PRR12: variants seen among roughly 807,000 people sequenced by gnomAD.
PRR12 encodes proline rich 12.
PRR12 carries 12 observed loss-of-function variants against 138.0 expected under a neutral mutation model. The observed-to-expected ratio is 0.09, with a 90% CI of 0.06 to 0.14. The LOEUF is 0.14. Among genes scored for constraint, PRR12 ranks in the 10% least tolerant of loss-of-function variants. PRR12 has a pLI of 1.00. For missense variants in PRR12, 2,692 were observed against 2,861.3 expected, an observed-to-expected ratio of 0.94 and a Z score of 1.35; for synonymous variants, 1,567 against 1,291.7, an observed-to-expected ratio of 1.21 and a Z score of -4.57.
chr19:49,602,169 A>G (rs971659474), intron 6 of PRR12, among the ~76,000 whole-genome samples: 1 of 152,128 alleles, frequency 6.6e-6, no homozygotes, highest in African/African-American at 2.4e-5. Flanking sequence ...GTATGTGTCT[A>G]TATGTGCGTT....
chr19:49,611,375 G>T (rs931592963), intron 6 of PRR12, among the ~76,000 whole-genome samples: 2 of 151,640 alleles, frequency 1.3e-5, no homozygotes, highest in Non-Finnish European at 2.9e-5. Flanking sequence ...AGTGGCTCAC[G>T]CTTGTAATCT....
chr19:49,597,665 T>G lies in PRR12; in HGVS notation c.3330T>G (p.Val1110=). ...EFEADEDKAD[V]PADIRLNPRR... Reference sequence around the variant, plus strand: ...AGGCGGACGAGGACAAGGCCGATGTTCCCGCCGACATCCGCCTCAACCCCC... The same window carrying G: ...AGGCGGACGAGGACAAGGCCGATGTGCCCGCCGACATCCGCCTCAACCCCC... The change falls in exon 4 of 14, where the codon GTT becomes GTG. Residue 1110 remains valine, a synonymous_variant. Transcript: ENST00000418929. The surrounding 1 kb of genome is among the most constrained non-coding windows in gnomAD (Gnocchi z 6.3). 1 of 1,603,128 alleles carries G rather than the reference T, an allele frequency of 6.2e-7. No individual in the cohort carries two copies. The highest frequency in any genetic ancestry group is 8.5e-7 in the Non-Finnish European group (1 of 1,176,066).
At chr19:49,621,397 G>C in intron 10 of PRR12, 128 bp from the exon 11 acceptor site, 1 of 721,702 alleles carries the variant, frequency 1.4e-6, no homozygotes, top group Non-Finnish European at 2.4e-6. Flanking sequence ...GAAGGAGGAG[G>C]GGGCTGGGGC....
rs1292399973 is a variant in PRR12, at chr19:49,597,761, C to A, written c.3426C>A (p.Phe1142Leu). ...PALSPLGDID[F>L]CPPNPGPDGP... ...TCTCGCCACTGGGGGACATCGACTT[C>A]TGCCCACCCAACCCAGGACCCGATG... is the stretch of plus-strand genomic sequence containing the variant. Residue 1142 changes from phenylalanine to leucine, a missense_variant, in exon 4 of 14, where the codon TTC becomes TTA. Phe to Leu is a conservative substitution (Grantham distance 22, BLOSUM62 0). Transcript: ENST00000418929. This position sits in a 1 kb window ranked among gnomAD's most constrained non-coding sequence, Gnocchi z 6.3. The A allele has an allele frequency of 2.5e-6, 4 of 1,605,506 alleles. No homozygotes were observed. The highest frequency in any genetic ancestry group is 3.4e-6 in the Non-Finnish European group (4 of 1,176,774).
chr19:49,609,983 T>C (rs1180899479), intron 6 of PRR12, among the ~76,000 whole-genome samples: 1 of 151,850 alleles, frequency 6.6e-6, no homozygotes, highest in Non-Finnish European at 1.5e-5. Flanking sequence ...TTCTTTCTTT[T>C]TTTTTTTTGA....
chr19:49,591,823 C>G (rs1339464074), intron 1 of PRR12, 83 bp downstream of exon 1: 1 of 810,084 alleles, frequency 1.2e-6, no homozygotes, highest in Non-Finnish European at 1.7e-6. Flanking sequence ...CGGGCCCGCC[C>G]GGCGACGCGT....
At position 49,625,901 on chromosome 19, in the gene PRR12, C is replaced by G. The variant is rs952393735; in HGVS notation, c.*294C>G. The stretch of plus-strand genomic sequence containing the variant: ...TCCCTCTCCCCTTGCCCCGACCCCC[C>G]CTCCACAGCCACAGCCCCCGCCCCC... On this transcript the variant is annotated 3_prime_UTR_variant, in exon 14 of 14. Transcript: ENST00000418929. This position sits in a 1 kb window ranked among gnomAD's most constrained non-coding sequence, Gnocchi z 5.5. 5.1e-5 allele frequency: 11 copies of G among 214,534 alleles called. No individual in the cohort carries two copies. Among genetic ancestry groups the G allele is most frequent in the East Asian group, 2.6e-4 (3 of 11,726 alleles). 13.3% of individuals were successfully genotyped at this position (214,534 alleles called of 1,614,324 possible).
chr19:49,625,485 G>A lies in PRR12; in HGVS notation c.5989G>A (p.Glu1997Lys), dbSNP rs1200733737. 3 of 1,608,534 alleles carry A rather than the reference G, an allele frequency of 1.9e-6. No individual in the cohort carries two copies. The highest frequency in any genetic ancestry group is 2.5e-6 in the Non-Finnish European group (3 of 1,178,120). The stretch of plus-strand genomic sequence containing the variant: ...GACCCTGGCCATCGAGGGCGGCGCC[G>A]AGGACCTGGGCCAGGAGGAGGTGGT... Reference protein sequence around the residue: ...DQTLAIEGGAEDLGQEEVVQQ... With the variant: ...DQTLAIEGGAKDLGQEEVVQQ... Residue 1997 changes from glutamate to lysine, a missense_variant, in exon 14 of 14, where the codon GAG becomes AAG. Coordinates refer to ENST00000418929, the MANE Select transcript of PRR12 (RefSeq NM_020719.3). This position sits in a 1 kb window ranked among gnomAD's most constrained non-coding sequence, Gnocchi z 5.5.
chr19:49,607,361 G>GCACACACACACA (rs72175242), intron 6 of PRR12, among the ~76,000 whole-genome samples: 1 of 147,760 alleles, frequency 6.8e-6, no homozygotes, highest in African/African-American at 2.5e-5. Flanking sequence ...ATGTACGTGT[G>GCACACACACACA]CACACACACA....
chr19:49,597,813 A>G lies in PRR12; in HGVS notation c.3478A>G (p.Thr1160Ala). The change falls in exon 4 of 14, where the codon ACG becomes GCG. Residue 1160 changes from threonine to alanine, a missense_variant. Coordinates refer to ENST00000418929, the MANE Select transcript of PRR12 (RefSeq NM_020719.3). This position sits in a 1 kb window ranked among gnomAD's most constrained non-coding sequence, Gnocchi z 6.3. ...CCCCCGGCGCCGTGGCCGCAAGCCC[A>G]CGAAGGCGAAACGTGATGGGCCACC... ...DGPRRRGRKP[T>A]KAKRDGPPRP... The G allele has an allele frequency of 1.9e-6, 3 of 1,550,288 alleles. No individual in the cohort carries two copies. The highest frequency in any genetic ancestry group is 2.6e-6 in the Non-Finnish European group (3 of 1,149,464).
Position 49,597,158 on chromosome 19 carries a change from C to A in PRR12, c.2823C>A (p.Asp941Glu). The A allele has an allele frequency of 6.4e-7, 1 of 1,552,116 alleles. No individual in the cohort carries two copies. The highest frequency in any genetic ancestry group is 8.7e-7 in the Non-Finnish European group (1 of 1,147,908). ...SICFPDSLLQDEERSFFPTME... is the reference protein window; with the variant it reads ...SICFPDSLLQEEERSFFPTME... ...GCTTCCCTGACTCCTTGCTCCAAGA[C>A]GAGGAGCGCAGCTTCTTCCCCACCA... Residue 941 changes from aspartate to glutamate, a missense_variant, in exon 4 of 14, where the codon GAC becomes GAA. By Grantham distance (45) the Asp-to-Glu change is conservative (BLOSUM62 2). Coordinates refer to ENST00000418929, the MANE Select transcript of PRR12 (RefSeq NM_020719.3). This position sits in a 1 kb window ranked among gnomAD's most constrained non-coding sequence, Gnocchi z 6.3.
chr19:49,618,254 C>T (rs1008057028), intron 9 of PRR12, among the ~76,000 whole-genome samples: 3 of 152,070 alleles, frequency 2.0e-5, no homozygotes, highest in Non-Finnish European at 4.4e-5. Flanking sequence ...CCTGGCCACC[C>T]CACAGACCTT....
chr19:49,624,978 G>A lies in PRR12; in HGVS notation c.5856G>A (p.Val1952=), dbSNP rs575896756. The change falls in exon 12 of 14, where the codon GTG becomes GTA. Residue 1952 remains valine, a synonymous_variant. Coordinates refer to ENST00000418929, the MANE Select transcript of PRR12 (RefSeq NM_020719.3). ...RKTLSKLKRS[V]VRAQEFKVEL... The stretch of plus-strand genomic sequence containing the variant: ...CGCTCAGCAAGCTCAAGAGGAGCGT[G>A]GTCAGAGCCCAGGTGGGCACTGGGG... 2 of 1,599,862 alleles carry A rather than the reference G, an allele frequency of 1.3e-6. No individual in the cohort carries two copies. Among genetic ancestry groups the A allele is most frequent in the Non-Finnish European group, 1.7e-6 (2 of 1,171,746 alleles).
chr19:49,592,542 C>G lies in PRR12; in HGVS notation c.87-785C>G, dbSNP rs117772815. On this transcript the variant is annotated intron_variant, in intron 1 of 13. Coordinates refer to ENST00000418929, the MANE Select transcript of PRR12 (RefSeq NM_020719.3). The stretch of plus-strand genomic sequence containing the variant: ...GTTGCTTATTGGTGTGGCGCCCTCA[C>G]ACTTCACCTATCCCCAGCACCTCCC... Among the ~76,000 whole-genome samples the G allele has an allele frequency of 5.6e-3, 848 of 152,142 alleles. 7 individuals carry two copies. The highest frequency in any genetic ancestry group is 7.2e-3 in the Non-Finnish European group (491 of 67,992).
chr19:49,624,947 G>T lies in PRR12; in HGVS notation c.5825G>T (p.Arg1942Leu). Residue 1942 changes from arginine to leucine, a missense_variant, in exon 12 of 14, where the codon CGC (arginine) becomes CTC (leucine). By Grantham distance (102) the Arg-to-Leu change is moderately radical. Transcript: ENST00000418929. ...RLRPAGEPYN[R>L]KTLSKLKRSV... is the part of the protein sequence containing the mutation. ...CGGCCTGCTGGGGAACCCTACAACCGCAAGACGCTCAGCAAGCTCAAGAGG... is the reference window on the plus strand; with the variant it reads ...CGGCCTGCTGGGGAACCCTACAACCTCAAGACGCTCAGCAAGCTCAAGAGG... The T allele has an allele frequency of 6.3e-7, 1 of 1,596,890 alleles. No homozygotes were observed. Among genetic ancestry groups the T allele is most frequent in the Non-Finnish European group, 8.5e-7 (1 of 1,170,346 alleles).
intron 11 of PRR12, among the ~76,000 whole-genome samples, chr19:49,622,878 C>T (rs866987736): frequency 1.8e-4 from 20 of 112,310 alleles, no homozygotes; most frequent in African/African-American, 7.3e-4. Context: ...GGCGACAGAG[C>T]GAGACTCTGT....
In PRR12 at chr19:49,599,629, G is replaced by A. The variant is rs1310558392; in HGVS notation, c.4036G>A (p.Ala1346Thr). 8.1e-6 allele frequency: 13 copies of A among 1,605,558 alleles called. No homozygotes were observed. Among genetic ancestry groups the A allele is most frequent in the African/African-American group, 1.3e-5 (1 of 74,734 alleles). The change falls in exon 5 of 14, where the codon GCC becomes ACC. Residue 1346 changes from alanine to threonine, a missense_variant. Coordinates refer to ENST00000418929, the MANE Select transcript of PRR12 (RefSeq NM_020719.3). The surrounding 1 kb of genome is among the most constrained non-coding windows in gnomAD (Gnocchi z 5.0). ...PPSGAFGLGG[A>T]LEAAESEGLG... ...TTCCGGAGCCTTTGGGCTTGGGGGC[G>A]CCCTGGAGGCTGCAGAGAGTGAGGG...
chr19:49,625,712 G>A lies in PRR12; in HGVS notation c.*105G>A. On this transcript the variant is annotated 3_prime_UTR_variant, in exon 14 of 14. Transcript: ENST00000418929. This position sits in a 1 kb window ranked among gnomAD's most constrained non-coding sequence, Gnocchi z 5.5. ...CTGGGCTCCATCGCCGGGGAAAGGG[G>A]GTCATGGGTCAGGGTGTGTCTGTGC... 7.0e-7 allele frequency: 1 copy of A among 1,419,212 alleles called. No individual in the cohort carries two copies. 87.9% of individuals were successfully genotyped at this position (1,419,212 alleles called of 1,614,324 possible). A position where few individuals can be genotyped will look rare whatever the true frequency, so the allele number is the denominator to read the frequency against.
chr19:49,601,805 ACGG>A lies in PRR12; in HGVS notation c.4665_4667del (p.Ala1556del). 3 of 1,611,830 alleles carry A rather than the reference ACGG, an allele frequency of 1.9e-6. No homozygotes were observed. Among genetic ancestry groups the A allele is most frequent in the Non-Finnish European group, 2.5e-6 (3 of 1,179,756 alleles). On this transcript the variant is annotated inframe_deletion, in exon 6 of 14. Coordinates refer to ENST00000418929, the MANE Select transcript of PRR12 (RefSeq NM_020719.3). ...CCTGCATCTGGCCAAAAAGCAGGAG[ACGG>A]CGGCAGTGTGTGGGGAGACGGACGA...
Sources: gnomAD v4.1 joint callset for allele counts (sites outside exome capture counted in the v4.1 genomes callset) on GRCh38, gnomAD v4.1.1 for gene constraint, Gnocchi (gnomAD v3.1) non-coding constraint, MANE v1.5 for transcripts, NCBI Gene and HGNC (gene_info 2026-07-23, HGNC 2026-07-21) for gene names.